CHORDC1: variants seen among roughly 807,000 people sequenced by gnomAD.
The protein encoded by CHORDC1 is cysteine and histidine-rich domain-containing protein 1.
CHORDC1 carries 25 observed loss-of-function variants against 48.3 expected under a neutral mutation model. The ratio of observed to expected loss-of-function variants is 0.52; its 90% CI spans 0.38 to 0.72. The LOEUF (loss-of-function observed/expected upper bound fraction) is 0.72. CHORDC1 is among the 30% of genes least tolerant of loss of function. The pLI is 0.00. For synonymous variants in CHORDC1, 128 were observed against 126.4 expected (o/e 1.01, Z -0.09); for missense variants, 317 against 388.7 (o/e 0.82, Z 1.55).
At chr11:90,218,472 A>G (rs1405174856) in intron 1 of CHORDC1, among the ~76,000 whole-genome samples, 1 of 152,214 alleles carries the variant, frequency 6.6e-6, no homozygotes, top group Non-Finnish European at 1.5e-5. Context: ...TTTGTTTAGT[A>G]CCAAAACTTC....
In CHORDC1 at chr11:90,202,201, GA is replaced by G; in HGVS notation, c.*203del. 1 of 548,694 alleles carries G rather than the reference GA, an allele frequency of 1.8e-6. No individual in the cohort carries two copies. Among genetic ancestry groups the G allele is most frequent in the Non-Finnish European group, 3.2e-6 (1 of 310,538 alleles). 34.0% of individuals were successfully genotyped at this position (548,694 alleles called of 1,614,324 possible). ...ATGGTTCCTACCAGTAGGGAGAAATGAATAATCAATCTTACATAACACAAAA... is the reference window on the plus strand; with the variant it reads ...ATGGTTCCTACCAGTAGGGAGAAATGATAATCAATCTTACATAACACAAAA... On this transcript the variant is annotated 3_prime_UTR_variant, in exon 11 of 11. Transcript: ENST00000320585.
intron 6 of CHORDC1, among the ~76,000 whole-genome samples, chr11:90,210,303 G>A (rs867070736): frequency 6.6e-6 from 1 of 152,066 alleles, no homozygotes; most frequent in Non-Finnish European, 1.5e-5. Flanking sequence ...AAAATGTCTG[G>A]CACATAATAA....
At position 90,223,022 on chromosome 11, in the gene CHORDC1, C is replaced by A. The variant is rs1858222744; in HGVS notation, c.-68G>T. On this transcript the variant is annotated 5_prime_UTR_variant, in exon 1 of 11. Transcript: ENST00000320585. ...CGGCAAGAGGATGCGTTTGCCACTC[C>A]CGTGTCGCTAGCACCGGTCTGACGA... is the stretch of plus-strand genomic sequence containing the variant. 5.8e-6 allele frequency: 8 copies of A among 1,372,752 alleles called. No homozygotes were observed. The highest frequency in any genetic ancestry group is 8.3e-6 in the Non-Finnish European group (8 of 964,852). The allele number at this position is 1,372,752 out of a possible 1,614,324, so 85.0% of individuals were successfully genotyped here.
intron 8 of CHORDC1, 150 bp from the exon 9 acceptor site, chr11:90,203,577 A>G (rs1565166389): frequency 1.8e-6 from 1 of 558,628 alleles, no homozygotes; most frequent in Admixed American, 3.0e-5. Context: ...ATTTCCCAAG[A>G]GGCTTAAACA....
intron 2 of CHORDC1, chr11:90,216,463 C>T (rs1157691620): frequency 9.4e-6 from 3 of 318,168 alleles, no homozygotes; most frequent in African/African-American, 4.6e-5. Context: ...TAACTTCTTA[C>T]TTGGTCAACT....
chr11:90,205,989 G>T lies in CHORDC1; in HGVS notation c.563+213C>A, dbSNP rs114006181. The T allele has an allele frequency of 1.5e-3, 846 of 552,950 alleles. 7 individuals are homozygous for T. Among genetic ancestry groups the T allele is most frequent in the African/African-American group, 0.014 (756 of 52,554 alleles). The allele number at this position is 552,950 out of a possible 1,614,324, so 34.3% of individuals were successfully genotyped here. ...AAAAACAGGCAGTTTATATCACAAT[G>T]ACCACTTAAGAACTGTAACCTTGTT... On this transcript the variant is annotated intron_variant, in intron 7 of 10. Coordinates refer to ENST00000320585, the MANE Select transcript of CHORDC1 (RefSeq NM_012124.3).
Position 90,207,955 on chromosome 11 carries a change from A to G in CHORDC1, c.493-1683T>C, listed in dbSNP as rs537171414. On this transcript the variant is annotated intron_variant, in intron 6 of 10. Transcript: ENST00000320585. ...CTAATCCAAAATCTCAAATGCTCCA[A>G]AAATCTGTTAACTTTTTGAGAGCCA... The G allele has an allele frequency of 3.3e-5, 5 of 152,248 alleles. No homozygotes were observed. The South Asian group carries it at 1.0e-3, about 32-fold the overall frequency. 9.4% of individuals were successfully genotyped at this position (152,248 alleles called of 1,614,324 possible). A position where few individuals can be genotyped will look rare whatever the true frequency, so the allele number is the denominator to read the frequency against.
Position 90,211,046 on chromosome 11 carries a change from G to T in CHORDC1, c.433+169C>A. On this transcript the variant is annotated intron_variant, in intron 5 of 10. Coordinates refer to ENST00000320585, the MANE Select transcript of CHORDC1 (RefSeq NM_012124.3). Reference sequence around the variant, plus strand: ...AAGACATATGGAATTAACCTATTAGGTTCTGAAGTATTTGTAGTTTATCAT... The same window carrying T: ...AAGACATATGGAATTAACCTATTAGTTTCTGAAGTATTTGTAGTTTATCAT... 4.2e-6 allele frequency: 2 copies of T among 477,892 alleles called. 1 individual carries two copies. Among genetic ancestry groups the T allele is most frequent in the South Asian group, 6.1e-5 (2 of 32,838 alleles). 29.6% of individuals were successfully genotyped at this position (477,892 alleles called of 1,614,324 possible). A position where few individuals can be genotyped will look rare whatever the true frequency, so the allele number is the denominator to read the frequency against.
chr11:90,204,489 G>A (rs1857618307), intron 8 of CHORDC1, among the ~76,000 whole-genome samples: 1 of 152,146 alleles, frequency 6.6e-6, no homozygotes, highest in Admixed American at 6.5e-5. Context: ...TGGAGGTCGA[G>A]GCGGGTGGAT....
chr11:90,211,414 A>G, intron 4 of CHORDC1, 96 bp from the exon 5 acceptor site: 1 of 763,040 alleles, frequency 1.3e-6, no homozygotes. Flanking sequence ...GAGAAGCCAA[A>G]TGCTTTGTGT....
chr11:90,203,679 T>C (rs1196451543), intron 8 of CHORDC1, among the ~76,000 whole-genome samples: 1 of 148,812 alleles, frequency 6.7e-6, no homozygotes, highest in East Asian at 1.9e-4. Context: ...TTCAGGGCCA[T>C]AATATTGATA....
intron 3 of CHORDC1, 117 bp downstream of exon 3, chr11:90,215,057 A>C (rs1395021382): frequency 6.0e-6 from 3 of 499,804 alleles, no homozygotes; most frequent in Non-Finnish European, 1.1e-5. Flanking sequence ...GAAAGGTGTT[A>C]TCTGCAAGTT....
chr11:90,213,873 G>C, intron 4 of CHORDC1, 145 bp downstream of exon 4: 1 of 651,938 alleles, frequency 1.5e-6, no homozygotes, highest in Non-Finnish European at 2.6e-6. Flanking sequence ...ATTTAAGGCA[G>C]ATTTAAGGGA....
At chr11:90,208,205 G>T (rs1395194851) in intron 6 of CHORDC1, 2 of 152,248 alleles carry the variant, frequency 1.3e-5, no homozygotes, top group Non-Finnish European at 2.9e-5. Context: ...GCCGAGGCGG[G>T]TGGATCACCT....
In CHORDC1 at chr11:90,205,459, C is replaced by T; in HGVS notation, c.669+1G>A. ...GTGCTATTTTTGGAAGAGTTACTTA[C>T]AGCATCTTTTTTAGTCCACATGTGT... On this transcript the variant is annotated splice_donor_variant, in intron 8 of 10. Coordinates refer to ENST00000320585, the MANE Select transcript of CHORDC1 (RefSeq NM_012124.3). LOFTEE classifies it high-confidence loss of function. The T allele has an allele frequency of 1.3e-6, 2 of 1,552,040 alleles. No individual in the cohort carries two copies. The highest frequency in any genetic ancestry group is 2.3e-5 in the South Asian group (2 of 86,874).
intron 1 of CHORDC1, among the ~76,000 whole-genome samples, chr11:90,219,752 C>T (rs1298224121): frequency 6.6e-6 from 1 of 152,164 alleles, no homozygotes; most frequent in Non-Finnish European, 1.5e-5. Flanking sequence ...CCACTCCTTA[C>T]TATATATTTC....
intron 6 of CHORDC1, chr11:90,206,486 C>G: frequency 2.1e-6 from 1 of 469,728 alleles, no homozygotes; most frequent in South Asian, 2.3e-5. Flanking sequence ...TTGAGAAAGT[C>G]ATATTAAGAT....
At chr11:90,216,212 A>C (rs1591058977) in intron 2 of CHORDC1, among the ~76,000 whole-genome samples, 2 of 152,138 alleles carry the variant, frequency 1.3e-5, no homozygotes, top group Admixed American at 1.3e-4. Flanking sequence ...TTACTGTCTT[A>C]ATCATGTACT....
intron 6 of CHORDC1, chr11:90,208,806 T>C (rs1857776437): frequency 6.6e-6 from 1 of 152,126 alleles, no homozygotes; most frequent in South Asian, 2.1e-4. Flanking sequence ...TTTAACAAAC[T>C]TCAATGTTAT....
Sources: allele counts gnomAD v4.1 joint callset (sites outside exome capture counted in the v4.1 genomes callset), GRCh38; gene constraint gnomAD v4.1.1; transcripts MANE v1.5; gene names NCBI Gene and HGNC (gene_info 2026-07-23, HGNC 2026-07-21).